Variants in PCDHGB7 observed in about 807,000 individuals in gnomAD.
The protein encoded by PCDHGB7 is protocadherin gamma subfamily B, 7, also known as protocadherin gamma-B7.
A neutral mutation model predicts 61.4 loss-of-function variants in PCDHGB7; 37 were observed. The observed-to-expected ratio is 0.60, with a 90% CI of 0.46 to 0.79. The LOEUF is 0.79. Ranked by LOEUF, PCDHGB7 falls within the 30% of genes least tolerant of loss-of-function variation. The pLI is 0.00. For missense variants in PCDHGB7, 1,166 were observed against 1,202.5 expected (o/e 0.97, Z 0.45); for synonymous variants, 464 against 503.5 (o/e 0.92, Z 1.05).
intron 1 of PCDHGB7, among the ~76,000 whole-genome samples, chr5:141,452,713 T>TGAGG (rs2098747318): frequency 6.7e-6 from 1 of 148,530 alleles, no homozygotes; most frequent in Non-Finnish European, 1.5e-5. Flanking sequence ...AAGGAAGGAA[T>TGAGG]GAGGGAGGGA....
chr5:141,476,317 G>C lies in PCDHGB7; in HGVS notation c.2416-18490G>C, dbSNP rs759809060. The C allele has an allele frequency of 1.2e-6, 2 of 1,614,052 alleles. No homozygotes were observed. The highest frequency in any genetic ancestry group is 2.7e-5 in the African/African-American group (2 of 74,922). ...GTAGCCTCTCAGCCCGCAGGTTCCGGGTGGTGTCTGGAGCTAGCCGAAGAT... is the reference window on the plus strand; with the variant it reads ...GTAGCCTCTCAGCCCGCAGGTTCCGCGTGGTGTCTGGAGCTAGCCGAAGAT... On this transcript the variant is annotated intron_variant, in intron 1 of 3. Coordinates refer to ENST00000398594, the MANE Select transcript of PCDHGB7 (RefSeq NM_018927.4). The surrounding 1 kb of genome is among the most constrained non-coding windows in gnomAD (Gnocchi z 7.6).
Position 141,419,298 on chromosome 5 carries a change from A to G in PCDHGB7, c.1439A>G (p.Asp480Gly). 6.2e-7 allele frequency: 1 copy of G among 1,613,988 alleles called. No individual in the cohort carries two copies. Among genetic ancestry groups the G allele is most frequent in the Non-Finnish European group, 8.5e-7 (1 of 1,179,888 alleles). ...SIAQVSASDPDFGLNGRVSYS... is the reference protein window; with the variant it reads ...SIAQVSASDPGFGLNGRVSYS... ...GCGCAAGTCAGTGCCTCTGACCCAG[A>G]CTTCGGGCTCAACGGCCGTGTCTCC... Residue 480 changes from aspartate to glycine, a missense_variant, in exon 1 of 4, where the codon GAC (aspartate) becomes GGC (glycine). Asp to Gly is a moderately conservative substitution (Grantham distance 94, BLOSUM62 -1). Transcript: ENST00000398594.
chr5:141,492,575 C>T (rs1213639439), intron 1 of PCDHGB7, among the ~76,000 whole-genome samples: 1 of 152,218 alleles, frequency 6.6e-6, no homozygotes, highest in South Asian at 2.1e-4. Flanking sequence ...GAGCGAGGCG[C>T]GGGGCCAGGA....
chr5:141,477,566 C>T lies in PCDHGB7; in HGVS notation c.2416-17241C>T, dbSNP rs749100730. On this transcript the variant is annotated intron_variant, in intron 1 of 3. Coordinates refer to ENST00000398594, the MANE Select transcript of PCDHGB7 (RefSeq NM_018927.4). The surrounding 1 kb of genome is among the most constrained non-coding windows in gnomAD (Gnocchi z 4.9). ...AATACTAAACCTAAGTGTCTGGGAC[C>T]CCGACGCCCCGCAGAATGCTCGGCT... The T allele has an allele frequency of 1.9e-6, 3 of 1,613,988 alleles. No homozygotes were observed. The highest frequency in any genetic ancestry group is 8.5e-7 in the Non-Finnish European group (1 of 1,180,032).
intron 1 of PCDHGB7, chr5:141,492,007 C>T (rs1261430567): frequency 3.0e-5 from 19 of 628,956 alleles, no homozygotes; most frequent in Non-Finnish European, 4.6e-5. Flanking sequence ...GCGATTTCCG[C>T]GGGTGTCGGG....
Position 141,490,800 on chromosome 5 carries a change from TACCTTTG to T in PCDHGB7, c.2416-4004_2416-3998del, listed in dbSNP as rs763340907. Reference sequence around the variant, plus strand: ...AGGATGGACGGATCTTTGCCCAGCGTACCTTTGACTATGAATTGCTGCAGATGCTGCA... The same window carrying T: ...AGGATGGACGGATCTTTGCCCAGCGTACTATGAATTGCTGCAGATGCTGCA... On this transcript the variant is annotated intron_variant, in intron 1 of 3. Transcript: ENST00000398594. The surrounding 1 kb of genome is among the most constrained non-coding windows in gnomAD (Gnocchi z 5.4). 2.5e-6 allele frequency: 4 copies of T among 1,613,968 alleles called. No homozygotes were observed. The highest frequency in any genetic ancestry group is 1.7e-6 in the Non-Finnish European group (2 of 1,179,894).
At chr5:141,488,546 G>A (rs2099676755) in intron 1 of PCDHGB7, among the ~76,000 whole-genome samples, 1 of 152,188 alleles carries the variant, frequency 6.6e-6, no homozygotes, top group African/African-American at 2.4e-5. Context: ...TCCCATGTCA[G>A]CTGACATTGA....
At chr5:141,447,647 T>C (rs1338920727) in intron 1 of PCDHGB7, among the ~76,000 whole-genome samples, 1 of 152,092 alleles carries the variant, frequency 6.6e-6, no homozygotes, top group African/African-American at 2.4e-5. Flanking sequence ...GATGGTAGAA[T>C]TTTCCCCCCC....
intron 3 of PCDHGB7, 86 bp downstream of exon 3, chr5:141,505,567 T>C: frequency 6.3e-7 from 1 of 1,599,440 alleles, no homozygotes; most frequent in South Asian, 1.1e-5. Flanking sequence ...ACGGACTGGA[T>C]GTCAAACCTG....
intron 2 of PCDHGB7, among the ~76,000 whole-genome samples, chr5:141,500,027 G>C (rs1458308566): frequency 6.6e-6 from 1 of 151,808 alleles, no homozygotes; most frequent in Non-Finnish European, 1.5e-5. Flanking sequence ...ATATTTGAGT[G>C]AGTGTCTCTT....
Position 141,489,557 on chromosome 5 carries a change from T to C in PCDHGB7, c.2416-5250T>C, listed in dbSNP as rs150797955. 54 of 1,613,956 alleles carry C rather than the reference T, an allele frequency of 3.3e-5. 1 individual carries two copies. Among genetic ancestry groups the C allele is most frequent in the Non-Finnish European group, 4.3e-5 (51 of 1,180,004 alleles). On this transcript the variant is annotated intron_variant, in intron 1 of 3. Coordinates refer to ENST00000398594, the MANE Select transcript of PCDHGB7 (RefSeq NM_018927.4). The surrounding 1 kb of genome is among the most constrained non-coding windows in gnomAD (Gnocchi z 4.5). ...GCCAGCACCAGCTGCCTGCTGCCAG[T>C]GCAGGTGGTGACTGAACACCCCCTG...
intron 2 of PCDHGB7, among the ~76,000 whole-genome samples, chr5:141,503,010 A>T (rs1595838084): frequency 6.8e-6 from 1 of 146,772 alleles, no homozygotes; most frequent in East Asian, 2.0e-4. Context: ...TGCCCGGTTA[A>T]TTTTTTTTTT....
intron 1 of PCDHGB7, among the ~76,000 whole-genome samples, chr5:141,438,633 T>C (rs1222106413): frequency 2.9e-5 from 1 of 34,046 alleles, no homozygotes; most frequent in Non-Finnish European, 5.1e-5. Context: ...TATATATATA[T>C]ATACACACAC....
At chr5:141,495,123 T>C (rs2099759225) in intron 2 of PCDHGB7, among the ~76,000 whole-genome samples, 1 of 152,162 alleles carries the variant, frequency 6.6e-6, no homozygotes, top group African/African-American at 2.4e-5. Flanking sequence ...TCCTATCCCC[T>C]GAGGGCACTG....
intron 2 of PCDHGB7, among the ~76,000 whole-genome samples, chr5:141,500,189 TTTATTTATTTA>T (rs1562193895): frequency 9.9e-5 from 11 of 110,956 alleles, no homozygotes; most frequent in Middle Eastern, 4.3e-3. Flanking sequence ...TTTATTTTTA[TTTATTTATTTA>T]TTTATTTATT....
intron 1 of PCDHGB7, among the ~76,000 whole-genome samples, chr5:141,425,318 G>A (rs1304835508): frequency 1.3e-5 from 2 of 152,158 alleles, no homozygotes; most frequent in Non-Finnish European, 2.9e-5. Context: ...TCCCAAGATC[G>A]TGGAGAACAA....
In PCDHGB7 at chr5:141,511,269, C is replaced by A; in HGVS notation, c.*96C>A. The A allele has an allele frequency of 1.3e-6, 2 of 1,546,672 alleles. No homozygotes were observed. Among genetic ancestry groups the A allele is most frequent in the Non-Finnish European group, 1.7e-6 (2 of 1,145,264 alleles). The stretch of plus-strand genomic sequence containing the variant: ...AGGCCTCAGAGTTTCAGGGCTAACC[C>A]CCAGAATACTGGTAGGGGCCAAGGC... On this transcript the variant is annotated 3_prime_UTR_variant, in exon 4 of 4. Transcript: ENST00000398594.
chr5:141,472,795 G>A (rs939788734), intron 1 of PCDHGB7, among the ~76,000 whole-genome samples: 1 of 151,794 alleles, frequency 6.6e-6, no homozygotes, highest in Non-Finnish European at 1.5e-5. Flanking sequence ...AGATCAGCCT[G>A]ACCAACATGG....
At chr5:141,421,955 T>A in intron 1 of PCDHGB7, 1 of 1,612,914 alleles carries the variant, frequency 6.2e-7, no homozygotes, top group South Asian at 1.1e-5. Context: ...ATCCCAATGT[T>A]TACACAGTCC....
Sources: allele counts gnomAD v4.1 joint callset (sites outside exome capture counted in the v4.1 genomes callset), GRCh38; gene constraint gnomAD v4.1.1; non-coding constraint Gnocchi (gnomAD v3.1); transcripts MANE v1.5; gene names NCBI Gene and HGNC (gene_info 2026-07-23, HGNC 2026-07-21).